CNTNAP2: variants seen among roughly 807,000 people sequenced by gnomAD.
CNTNAP2 encodes the protein contactin-associated protein-like 2.
CNTNAP2 carries 98 observed loss-of-function variants against 155.2 expected under a neutral mutation model. That is an observed-to-expected ratio of 0.63 (90% confidence interval 0.54 to 0.75). CNTNAP2 has a LOEUF of 0.75. Ranked by LOEUF, CNTNAP2 falls within the 30% of genes least tolerant of loss-of-function variation. The pLI is 0.00. For missense variants in CNTNAP2, 1,727 were observed against 1,688.1 expected (o/e 1.02, Z -0.40); for synonymous variants, 651 against 631.2 (o/e 1.03, Z -0.47).
chr7:147,728,576 C>G (rs1020974574), intron 13 of CNTNAP2, among the ~76,000 whole-genome samples: 3 of 151,930 alleles, frequency 2.0e-5, no homozygotes, highest in Non-Finnish European at 4.4e-5. Context: ...GATAATACAT[C>G]TTTTTTCATG....
chr7:147,121,794 A>C (rs1247668337), intron 6 of CNTNAP2: 1 of 152,298 alleles, frequency 6.6e-6, no homozygotes, highest in Non-Finnish European at 1.5e-5. Context: ...GGTTAAAAGT[A>C]GGTATATCAT....
At chr7:147,016,397 C>A (rs1363275460) in intron 3 of CNTNAP2, among the ~76,000 whole-genome samples, 1 of 152,034 alleles carries the variant, frequency 6.6e-6, no homozygotes, top group Non-Finnish European at 1.5e-5. Context: ...GTATTCAAAT[C>A]TCCCCTCTTG....
chr7:146,953,250 C>T (rs543585052), intron 3 of CNTNAP2, among the ~76,000 whole-genome samples: 1 of 151,950 alleles, frequency 6.6e-6, no homozygotes, highest in African/African-American at 2.4e-5. Context: ...CCACAAAGAA[C>T]CAATACTATT....
chr7:147,305,036 C>A (rs1795003048), intron 9 of CNTNAP2, among the ~76,000 whole-genome samples: 1 of 152,150 alleles, frequency 6.6e-6, no homozygotes, highest in Non-Finnish European at 1.5e-5. Flanking sequence ...CCAGTCCCAT[C>A]ATAGGGGCTC....
chr7:148,357,506 G>A (rs564334513), intron 21 of CNTNAP2, among the ~76,000 whole-genome samples: 11 of 152,196 alleles, frequency 7.2e-5, no homozygotes, highest in Admixed American at 1.3e-4. Flanking sequence ...TGTAGCCCCC[G>A]TTCAATGATC....
chr7:148,088,869 A>G (rs1487565244), intron 15 of CNTNAP2, among the ~76,000 whole-genome samples: 3 of 152,156 alleles, frequency 2.0e-5, no homozygotes, highest in Non-Finnish European at 2.9e-5. Context: ...AAAAAATTAC[A>G]TGCCCATATT....
chr7:147,199,908 T>C (rs141936701), intron 8 of CNTNAP2, among the ~76,000 whole-genome samples: 1 of 152,286 alleles, frequency 6.6e-6, no homozygotes, highest in African/African-American at 2.4e-5. Flanking sequence ...ATTTTTAATT[T>C]GAAGGAGTGG....
chr7:148,262,697 T>C (rs1347505359), intron 20 of CNTNAP2, among the ~76,000 whole-genome samples: 2 of 152,058 alleles, frequency 1.3e-5, no homozygotes, highest in African/African-American at 4.8e-5. Flanking sequence ...TCCCCTATTA[T>C]CTTAATCACA....
intron 21 of CNTNAP2, among the ~76,000 whole-genome samples, chr7:148,383,442 C>T (rs1309854110): frequency 6.6e-6 from 1 of 152,158 alleles, no homozygotes. Flanking sequence ...TTTCACCCTA[C>T]CGTATTTTCT....
At chr7:146,858,812 T>C (rs1467725185) in intron 3 of CNTNAP2, among the ~76,000 whole-genome samples, 1 of 152,232 alleles carries the variant, frequency 6.6e-6, no homozygotes, top group Non-Finnish European at 1.5e-5. Flanking sequence ...TATTATAATG[T>C]AAGCTTATTA....
At chr7:148,297,751 T>C (rs1251112424) in intron 21 of CNTNAP2, among the ~76,000 whole-genome samples, 1 of 152,154 alleles carries the variant, frequency 6.6e-6, no homozygotes, top group African/African-American at 2.4e-5. Context: ...AGAAGGGGTA[T>C]GTTGGATCAT....
chr7:146,790,925 C>CTT (rs776168917), intron 2 of CNTNAP2, among the ~76,000 whole-genome samples: 8 of 145,494 alleles, frequency 5.5e-5, no homozygotes, highest in African/African-American at 1.8e-4. Flanking sequence ...GTACCTCAGT[C>CTT]TTTTTTTTTT....
chr7:147,741,842 A>C (rs1205577064), intron 13 of CNTNAP2, among the ~76,000 whole-genome samples: 1 of 152,096 alleles, frequency 6.6e-6, no homozygotes, highest in Non-Finnish European at 1.5e-5. Context: ...ATCCTATTTT[A>C]TGTTATTATT....
At chr7:147,278,084 T>C (rs955358154) in intron 8 of CNTNAP2, among the ~76,000 whole-genome samples, 1 of 150,028 alleles carries the variant, frequency 6.7e-6, no homozygotes. Flanking sequence ...TAATGGATAT[T>C]CATTTATATA....
intron 8 of CNTNAP2, among the ~76,000 whole-genome samples, chr7:147,231,581 C>T (rs2116618502): frequency 6.6e-6 from 1 of 152,296 alleles, no homozygotes; most frequent in South Asian, 2.1e-4. Flanking sequence ...TTTCTTTACA[C>T]CCTTGCCAAC....
At chr7:147,925,779 A>T (rs1275073381) in intron 14 of CNTNAP2, among the ~76,000 whole-genome samples, 1 of 152,182 alleles carries the variant, frequency 6.6e-6, no homozygotes, top group African/African-American at 2.4e-5. Flanking sequence ...GATTTTAACA[A>T]ATGTATAATG....
intron 16 of CNTNAP2, among the ~76,000 whole-genome samples, chr7:148,138,815 G>C (rs1805006984): frequency 6.6e-6 from 1 of 152,060 alleles, no homozygotes; most frequent in South Asian, 2.1e-4. Context: ...TCCTACATGG[G>C]GTACAGGGGA....
intron 1 of CNTNAP2, among the ~76,000 whole-genome samples, chr7:146,725,095 A>G (rs1030334080): frequency 5.3e-5 from 8 of 150,350 alleles, no homozygotes; most frequent in Non-Finnish European, 1.0e-4. Context: ...GTGGACCTTC[A>G]CTTGCAGGCT....
At chr7:146,264,192 C>T (rs1329024461) in intron 1 of CNTNAP2, among the ~76,000 whole-genome samples, 1 of 152,052 alleles carries the variant, frequency 6.6e-6, no homozygotes, top group Admixed American at 6.6e-5. Flanking sequence ...GCCTGTAATC[C>T]CAGCACTTTG....
Sources: gnomAD v4.1 joint callset for allele counts (sites outside exome capture counted in the v4.1 genomes callset) on GRCh38, gnomAD v4.1.1 for gene constraint, MANE v1.5 for transcripts, NCBI Gene and HGNC (gene_info 2026-07-23, HGNC 2026-07-21) for gene names.